Variants in MTREX observed in about 807,000 individuals in gnomAD.
MTREX encodes the protein Mtr4 exosome RNA helicase, also known as exosome RNA helicase MTR4.
In MTREX, 76 loss-of-function variants were observed where a neutral mutation model predicts 135.4. That is an observed-to-expected ratio of 0.56 (90% CI 0.47 to 0.68). The LOEUF (loss-of-function observed/expected upper bound fraction) is 0.68. Among genes scored for constraint, MTREX ranks in the 30% least tolerant of loss-of-function variants. The pLI, the probability that MTREX is intolerant of heterozygous loss-of-function variation, is 0.00. For synonymous variants in MTREX, 404 were observed against 401.6 expected (o/e 1.01, Z -0.07); for missense variants, 920 against 1,262.1 (o/e 0.73, Z 4.11).
chr5:55,395,914 TAGTGGTGGGGAAGGTAC>T (rs1750638673), intron 19 of MTREX, among the ~76,000 whole-genome samples: 1 of 151,620 alleles, frequency 6.6e-6, no homozygotes, highest in Non-Finnish European at 1.5e-5. Context: ...TTCCATGGAG[TAGTGGTGGGGAAGGTAC>T]AGTGGTATAA....
Position 55,425,525 on chromosome 5 carries a change from A to G in MTREX, c.*753A>G. On this transcript the variant is annotated 3_prime_UTR_variant, in exon 27 of 27. Coordinates refer to ENST00000230640, the MANE Select transcript of MTREX (RefSeq NM_015360.5). Reference sequence around the variant, plus strand: ...ATTCCAAATTAAGAGTTGCTTTGTTATGCCTTCAGCAAATAGCTTCATTTT... The same window carrying G: ...ATTCCAAATTAAGAGTTGCTTTGTTGTGCCTTCAGCAAATAGCTTCATTTT... 1.9e-6 allele frequency: 1 copy of G among 536,574 alleles called. No individual in the cohort carries two copies. Among genetic ancestry groups the G allele is most frequent in the African/African-American group, 2.0e-5 (1 of 50,958 alleles). 33.2% of individuals were successfully genotyped at this position (536,574 alleles called of 1,614,324 possible).
At chr5:55,360,526 C>G (rs1749990793) in intron 15 of MTREX, among the ~76,000 whole-genome samples, 1 of 152,018 alleles carries the variant, frequency 6.6e-6, no homozygotes, top group African/African-American at 2.4e-5. Flanking sequence ...GAGGAACTGC[C>G]AGACTGTTTT....
At chr5:55,351,610 A>T (rs913579153) in intron 13 of MTREX, among the ~76,000 whole-genome samples, 1 of 152,202 alleles carries the variant, frequency 6.6e-6, no homozygotes. Flanking sequence ...TTTAATTACT[A>T]AACCCGGGGT....
Position 55,385,566 on chromosome 5 carries a change from G to A in MTREX, c.2053-2408G>A, listed in dbSNP as rs187793614. 4.7e-4 allele frequency among the ~76,000 whole-genome samples: 72 copies of A among 152,300 alleles called. 1 individual carries two copies. Among genetic ancestry groups the A allele is most frequent in the Admixed American group, 3.9e-3 (59 of 15,294 alleles). On this transcript the variant is annotated intron_variant, in intron 18 of 26. Coordinates refer to ENST00000230640, the MANE Select transcript of MTREX (RefSeq NM_015360.5). ...TTTCTGTTTCAGTGAAGTGGGAAGA[G>A]TGAGGAAGGGAGTGATCTTTTTTCA... is the stretch of plus-strand genomic sequence containing the variant.
At chr5:55,324,251 G>T (rs1366441656) in intron 3 of MTREX, 53 bp downstream of exon 3, 1 of 1,297,670 alleles carries the variant, frequency 7.7e-7, no homozygotes, top group South Asian at 1.2e-5. Flanking sequence ...ATTTTTCTTT[G>T]GACTATCTAG....
In MTREX at chr5:55,341,779, C is replaced by T. The variant is rs1277964878; in HGVS notation, c.781+8C>T. 1.5e-6 allele frequency: 2 copies of T among 1,365,764 alleles called. No individual in the cohort carries two copies. Among genetic ancestry groups the T allele is most frequent in the African/African-American group, 1.4e-5 (1 of 69,426 alleles). 84.6% of individuals were successfully genotyped at this position (1,365,764 alleles called of 1,614,324 possible). On this transcript the variant is annotated splice_region_variant and intron_variant, in intron 7 of 26. Transcript: ENST00000230640. ...ATTATATGAGAGATTCAGGTATATT[C>T]AGTGTTGAAATGTATATCATGTATT...
At chr5:55,373,586 C>A in intron 16 of MTREX, among the ~76,000 whole-genome samples, 1 of 151,946 alleles carries the variant, frequency 6.6e-6, no homozygotes, top group East Asian at 1.9e-4. Context: ...TTGTAATAAA[C>A]TGATAAATGT....
intron 19 of MTREX, among the ~76,000 whole-genome samples, chr5:55,389,183 T>G (rs1750526129): frequency 6.6e-6 from 1 of 152,244 alleles, no homozygotes; most frequent in Non-Finnish European, 1.5e-5. Context: ...ACATTTATTT[T>G]ACTGATTGAC....
In MTREX at chr5:55,353,264, C is replaced by T; in HGVS notation, c.1528C>T (p.Arg510Ter). The change falls in exon 14 of 27, where the codon CGA (arginine) becomes TGA (stop). Residue 510 changes from arginine to a stop codon, truncating the protein, a stop_gained. Transcript: ENST00000230640. LOFTEE classifies it high-confidence loss of function. The part of the protein sequence containing the change: ...NARKFDGKDF[R>*]WISSGEYIQM... ...CCGCAAATTTGATGGGAAGGATTTC[C>T]GATGGGTAAGTAAAGCAATTCATAT... 1.9e-6 allele frequency: 3 copies of T among 1,599,434 alleles called. No homozygotes were observed. The highest frequency in any genetic ancestry group is 1.3e-5 in the African/African-American group (1 of 74,436).
chr5:55,418,576 C>T (rs230761), intron 25 of MTREX, among the ~76,000 whole-genome samples: 130,045 of 151,218 alleles, frequency 0.86, 56,306 homozygotes, highest in South Asian at 0.92. Flanking sequence ...TTTGAGAAAT[C>T]CAGTTTTTTA....
chr5:55,377,244 G>A (rs1750319332), intron 16 of MTREX, among the ~76,000 whole-genome samples: 2 of 152,186 alleles, frequency 1.3e-5, no homozygotes, highest in South Asian at 4.2e-4. Flanking sequence ...GGAGAGTGGT[G>A]TGAACCCGGG....
chr5:55,373,086 G>T (rs1315787147), intron 16 of MTREX, among the ~76,000 whole-genome samples: 1 of 150,194 alleles, frequency 6.7e-6, no homozygotes, highest in Non-Finnish European at 1.5e-5. Flanking sequence ...TTTATTTAAG[G>T]CAGGGTTGTT....
At chr5:55,361,119 T>C (rs1387820016) in intron 15 of MTREX, among the ~76,000 whole-genome samples, 1 of 152,240 alleles carries the variant, frequency 6.6e-6, no homozygotes, top group Non-Finnish European at 1.5e-5. Context: ...TGTTCTTTGA[T>C]GTACTTAAAG....
intron 14 of MTREX, among the ~76,000 whole-genome samples, chr5:55,354,353 A>AT (rs1191735025): frequency 6.6e-6 from 1 of 152,222 alleles, no homozygotes; most frequent in African/African-American, 2.4e-5. Flanking sequence ...ACAGTAGAAT[A>AT]TTGGCGGGGG....
chr5:55,327,674 A>C, intron 3 of MTREX, 42 bp from the exon 4 acceptor site: 1 of 1,480,610 alleles, frequency 6.8e-7, no homozygotes, highest in Non-Finnish European at 9.4e-7. Context: ...CAGTTCTCAA[A>C]TAGTTGGTGA....
chr5:55,327,868 C>T (rs1749408736), intron 4 of MTREX, 90 bp downstream of exon 4: 1 of 989,912 alleles, frequency 1.0e-6, no homozygotes, highest in Non-Finnish European at 1.6e-6. Flanking sequence ...TTATATTTCC[C>T]ACAACATGTA....
chr5:55,398,258 AAAAC>A (rs1579893235), intron 20 of MTREX, among the ~76,000 whole-genome samples: 2 of 135,496 alleles, frequency 1.5e-5, no homozygotes, highest in African/African-American at 5.4e-5. Flanking sequence ...AAAAAAAAAA[AAAAC>A]AAGGAAGTGA....
chr5:55,404,634 T>C (rs1375272862), intron 21 of MTREX, among the ~76,000 whole-genome samples: 1 of 152,164 alleles, frequency 6.6e-6, no homozygotes, highest in Non-Finnish European at 1.5e-5. Flanking sequence ...CCGTGATTAA[T>C]TGTCTAGTGA....
At chr5:55,390,086 G>A (rs1750541421) in intron 19 of MTREX, among the ~76,000 whole-genome samples, 2 of 151,856 alleles carry the variant, frequency 1.3e-5, no homozygotes, top group Admixed American at 1.3e-4. Context: ...TTTTATCAGC[G>A]TTTATAGAAG....
Sources: gnomAD v4.1 joint callset for allele counts (sites outside exome capture counted in the v4.1 genomes callset) on GRCh38, gnomAD v4.1.1 for gene constraint, MANE v1.5 for transcripts, NCBI Gene and HGNC (gene_info 2026-07-23, HGNC 2026-07-21) for gene names.